Variants in KAZN observed in about 807,000 individuals in gnomAD.
The protein encoded by KAZN is kazrin, periplakin interacting protein.
In KAZN, 40 loss-of-function variants were observed where a neutral mutation model predicts 87.4. That is an observed-to-expected ratio of 0.46 (90% CI 0.36 to 0.60). The LOEUF (loss-of-function observed/expected upper bound fraction) is 0.60. Among genes scored for constraint, KAZN ranks in the 20% least tolerant of loss-of-function variants. KAZN has a pLI of 0.00. For synonymous variants in KAZN, 466 were observed against 458.3 expected (o/e 1.02, Z -0.22); for missense variants, 898 against 1,073.9 (o/e 0.84, Z 2.29).
At chr1:14,852,313 C>A (rs1214052375) in intron 1 of KAZN, among the ~76,000 whole-genome samples, 1 of 152,224 alleles carries the variant, frequency 6.6e-6, no homozygotes, top group Non-Finnish European at 1.5e-5. Flanking sequence ...TGAGGCCCAG[C>A]AGGTGTGGAC....
At chr1:15,070,390 T>G (rs1313439693) in intron 8 of KAZN, among the ~76,000 whole-genome samples, 1 of 152,128 alleles carries the variant, frequency 6.6e-6, no homozygotes, top group African/African-American at 2.4e-5. Context: ...AGCTCTCCCT[T>G]CCTCTTCCTG....
chr1:14,723,625 C>G (rs1008760630), intron 1 of KAZN, among the ~76,000 whole-genome samples: 1 of 152,224 alleles, frequency 6.6e-6, no homozygotes, highest in Non-Finnish European at 1.5e-5. Flanking sequence ...CTGCCGGGCT[C>G]AGCATCCATT....
chr1:14,340,023 T>A (rs1094082), intron 2 of KAZN, among the ~76,000 whole-genome samples: 148,134 of 152,332 alleles, frequency 0.97, 72,059 homozygotes, highest in Middle Eastern at 0.98. Flanking sequence ...TTTCTGTGGA[T>A]TTTAGCATTA....
At chr1:14,519,478 T>A (rs901242182) in intron 2 of KAZN, among the ~76,000 whole-genome samples, 2 of 152,132 alleles carry the variant, frequency 1.3e-5, no homozygotes, top group African/African-American at 4.8e-5. Context: ...ACTACCCTCG[T>A]GGGTATCCTC....
intron 1 of KAZN, among the ~76,000 whole-genome samples, chr1:13,918,139 A>G (rs1639928917): frequency 1.3e-5 from 2 of 152,240 alleles, no homozygotes; most frequent in African/African-American, 2.4e-5. Context: ...CTGTAAGGCT[A>G]TAGCTGTCAC....
At chr1:13,986,226 T>C (rs560190158) in intron 1 of KAZN, among the ~76,000 whole-genome samples, 5 of 152,364 alleles carry the variant, frequency 3.3e-5, no homozygotes, top group East Asian at 3.9e-4. Flanking sequence ...CGACATAAGA[T>C]GATAAAACTG....
At chr1:14,890,049 G>C (rs1312007095) in intron 1 of KAZN, among the ~76,000 whole-genome samples, 1 of 152,206 alleles carries the variant, frequency 6.6e-6, no homozygotes, top group Admixed American at 6.5e-5. Flanking sequence ...AAGAGTTAGG[G>C]AGAAGCCTAG....
intron 2 of KAZN, among the ~76,000 whole-genome samples, chr1:14,422,726 C>G (rs1034289708): frequency 3.9e-5 from 6 of 152,222 alleles, no homozygotes; most frequent in Non-Finnish European, 8.8e-5. Flanking sequence ...GTAAACTTCT[C>G]TTTTGTGGTC....
chr1:13,909,741 G>C (rs1188515559), intron 1 of KAZN, among the ~76,000 whole-genome samples: 1 of 152,206 alleles, frequency 6.6e-6, no homozygotes, highest in African/African-American at 2.4e-5. Flanking sequence ...GCATTTATGA[G>C]GGCAGAGTCC....
chr1:14,777,354 C>T (rs12095384), intron 1 of KAZN, among the ~76,000 whole-genome samples: 2,684 of 152,218 alleles, frequency 0.018, 41 homozygotes, highest in African/African-American at 0.046. Flanking sequence ...CTCTGAGAGA[C>T]GCCTCATGAT....
chr1:14,930,927 C>T (rs1235630643), intron 1 of KAZN, among the ~76,000 whole-genome samples: 2 of 152,208 alleles, frequency 1.3e-5, no homozygotes, highest in Non-Finnish European at 2.9e-5. Context: ...TTCACCCCAG[C>T]CCGAAGCCAG....
chr1:14,230,879 T>A (rs1647759825), intron 2 of KAZN, among the ~76,000 whole-genome samples: 1 of 152,190 alleles, frequency 6.6e-6, no homozygotes, highest in Admixed American at 6.5e-5. Context: ...AGATCATAAA[T>A]GATGGTCTCA....
chr1:14,169,427 G>A (rs562308266), intron 1 of KAZN, among the ~76,000 whole-genome samples: 14 of 152,232 alleles, frequency 9.2e-5, no homozygotes, highest in Admixed American at 2.6e-4. Context: ...ATGTCCAGCC[G>A]ATTAGCCTCA....
intron 1 of KAZN, among the ~76,000 whole-genome samples, chr1:14,850,697 C>A (rs804128): frequency 0.99 from 151,237 of 152,242 alleles, 75,126 homozygotes; most frequent in Middle Eastern, 1. Flanking sequence ...CAGACCAGGC[C>A]AGCAGAACGT....
chr1:14,126,833 C>T (rs760684317), intron 1 of KAZN, among the ~76,000 whole-genome samples: 5 of 152,142 alleles, frequency 3.3e-5, no homozygotes, highest in Admixed American at 2.0e-4. Flanking sequence ...TGGCCAGGTG[C>T]GGTGGGTCAC....
intron 2 of KAZN, among the ~76,000 whole-genome samples, chr1:14,341,462 T>C (rs1557650816): frequency 6.6e-6 from 1 of 152,116 alleles, no homozygotes. Context: ...CCCCCTGAGA[T>C]CTCACAGCAC....
chr1:14,583,679 A>G (rs1052343509), intron 2 of KAZN, among the ~76,000 whole-genome samples: 8 of 152,152 alleles, frequency 5.3e-5, no homozygotes, highest in Admixed American at 5.2e-4. Context: ...GGGGGCAGCT[A>G]TGGGACTTTA....
intron 1 of KAZN, among the ~76,000 whole-genome samples, chr1:14,619,374 T>C (rs959846236): frequency 6.6e-6 from 1 of 151,970 alleles, no homozygotes; most frequent in Admixed American, 6.6e-5. Flanking sequence ...ATTTTTTAAA[T>C]TTTTTTGTAA....
chr1:14,190,102 A>G (rs1360287931), intron 2 of KAZN, among the ~76,000 whole-genome samples: 1 of 152,142 alleles, frequency 6.6e-6, no homozygotes, highest in Non-Finnish European at 1.5e-5. Flanking sequence ...GGAGAAGTGT[A>G]GGCTTGTGAC....
Sources: allele counts gnomAD v4.1 joint callset (sites outside exome capture counted in the v4.1 genomes callset), GRCh38; gene constraint gnomAD v4.1.1; transcripts MANE v1.5; gene names NCBI Gene and HGNC (gene_info 2026-07-23, HGNC 2026-07-21).